The following BACH2 variants were observed in gnomAD, a reference collection of about 807,000 sequenced individuals.
The protein encoded by BACH2 is transcription regulator protein BACH2.
In BACH2, 5 loss-of-function variants were observed where a neutral mutation model predicts 61.8. The observed-to-expected ratio is 0.08, with a 90% CI of 0.04 to 0.17. The LOEUF (loss-of-function observed/expected upper bound fraction) is 0.17, where lower values mean the gene tolerates loss of function less well. BACH2 is among the 10% of genes least tolerant of loss of function. The pLI is 1.00. For missense variants in BACH2, 824 were observed against 1,091.1 expected, an observed-to-expected ratio of 0.76 and a Z score of 3.45; for synonymous variants, 446 against 440.1, an observed-to-expected ratio of 1.01 and a Z score of -0.17.
intron 4 of BACH2, among the ~76,000 whole-genome samples, chr6:90,149,943 G>T (rs1179539660): frequency 1.3e-5 from 2 of 152,214 alleles, no homozygotes; most frequent in East Asian, 3.8e-4. Context: ...AGACAGTCCA[G>T]ATGCCATTAA....
intron 4 of BACH2, among the ~76,000 whole-genome samples, chr6:90,142,968 G>T (rs1195395777): frequency 6.6e-6 from 1 of 152,160 alleles, no homozygotes; most frequent in East Asian, 1.9e-4. Flanking sequence ...TTCCCTATTG[G>T]CATGAAATTT....
intron 4 of BACH2, among the ~76,000 whole-genome samples, chr6:90,129,369 T>C (rs1429756030): frequency 2.0e-5 from 3 of 152,160 alleles, no homozygotes; most frequent in Non-Finnish European, 2.9e-5. Flanking sequence ...ATGTGCAGAA[T>C]GTGCAGGTTT....
intron 1 of BACH2, among the ~76,000 whole-genome samples, chr6:90,295,478 G>T (rs554678639): frequency 6.6e-6 from 1 of 152,216 alleles, no homozygotes; most frequent in Non-Finnish European, 1.5e-5. Context: ...ACCTAGGGTA[G>T]CCCGTGAGCG....
At chr6:89,946,497 G>A (rs1257752577) in intron 7 of BACH2, among the ~76,000 whole-genome samples, 1 of 152,334 alleles carries the variant, frequency 6.6e-6, no homozygotes, top group East Asian at 1.9e-4. Flanking sequence ...TAACAGTAGG[G>A]TCACAAAATG....
At chr6:90,211,909 T>C (rs928414180) in intron 3 of BACH2, among the ~76,000 whole-genome samples, 1 of 152,186 alleles carries the variant, frequency 6.6e-6, no homozygotes, top group African/African-American at 2.4e-5. Context: ...CTCTTGTTCC[T>C]ACCCTTCCCA....
rs1212764266 is a variant in BACH2 at position 90,139,234 on chromosome 6, C to T, written c.-161-50125G>A. Among the ~76,000 whole-genome samples, 4 of 152,194 alleles carry T rather than the reference C, an allele frequency of 2.6e-5. No homozygotes were observed. The East Asian group carries it at 7.7e-4, about 29-fold the overall frequency. On this transcript the variant is annotated intron_variant, in intron 4 of 8. Coordinates refer to ENST00000257749, the MANE Select transcript of BACH2 (RefSeq NM_021813.4). ...TTTATCCTTTCTCCACCCTTTTCTTCTTTCTCTACGTCTTCTAGTCATCCT... is the reference window on the plus strand; with the variant it reads ...TTTATCCTTTCTCCACCCTTTTCTTTTTTCTCTACGTCTTCTAGTCATCCT...
At chr6:90,103,727 T>A (rs1051024083) in intron 4 of BACH2, among the ~76,000 whole-genome samples, 1 of 152,208 alleles carries the variant, frequency 6.6e-6, no homozygotes, top group Non-Finnish European at 1.5e-5. Flanking sequence ...TGGGGGATCA[T>A]GGGGAACATC....
intron 4 of BACH2, among the ~76,000 whole-genome samples, chr6:90,119,947 A>G (rs932573294): frequency 3.3e-5 from 5 of 152,196 alleles, no homozygotes; most frequent in Non-Finnish European, 5.9e-5. Flanking sequence ...ACCATTAAGG[A>G]CCCAGGAAAG....
intron 5 of BACH2, among the ~76,000 whole-genome samples, chr6:90,085,771 A>G (rs80015989): frequency 0.013 from 1,989 of 152,272 alleles, 42 homozygotes; most frequent in African/African-American, 0.045. Context: ...ATCAAGCACT[A>G]GCTAGTGATT....
chr6:90,154,776 G>A (rs995291643), intron 4 of BACH2, among the ~76,000 whole-genome samples: 10 of 152,158 alleles, frequency 6.6e-5, no homozygotes, highest in South Asian at 2.1e-4. Flanking sequence ...ATAGCACTGC[G>A]TTAGTCAGTA....
chr6:90,261,308 T>G (rs1194656210), intron 2 of BACH2, among the ~76,000 whole-genome samples: 1 of 152,156 alleles, frequency 6.6e-6, no homozygotes, highest in Non-Finnish European at 1.5e-5. Context: ...TCCTTCTTCT[T>G]CCTGTCTAAT....
chr6:90,146,556 C>T (rs1293436301), intron 4 of BACH2, among the ~76,000 whole-genome samples: 1 of 152,210 alleles, frequency 6.6e-6, no homozygotes, highest in Non-Finnish European at 1.5e-5. Flanking sequence ...TGATGGTCAA[C>T]TCTTCCAAGA....
At chr6:90,037,926 C>T (rs760963808) in intron 5 of BACH2, among the ~76,000 whole-genome samples, 8 of 152,116 alleles carry the variant, frequency 5.3e-5, no homozygotes, top group Non-Finnish European at 8.8e-5. Context: ...AGTGATGTGG[C>T]TACAAGCCAA....
intron 5 of BACH2, among the ~76,000 whole-genome samples, chr6:90,031,152 C>G (rs1441025542): frequency 6.6e-6 from 1 of 151,918 alleles, no homozygotes; most frequent in Non-Finnish European, 1.5e-5. Context: ...CAAAATTCAA[C>G]AACCTTCATG....
intron 3 of BACH2, among the ~76,000 whole-genome samples, chr6:90,212,389 G>T (rs1471907057): frequency 2.0e-5 from 3 of 152,086 alleles, no homozygotes; most frequent in African/African-American, 7.2e-5. Flanking sequence ...GAACAGAGTG[G>T]AGCTTGCCAA....
At chr6:90,096,666 G>T (rs1251954556) in intron 4 of BACH2, among the ~76,000 whole-genome samples, 3 of 152,158 alleles carry the variant, frequency 2.0e-5, no homozygotes, top group Admixed American at 6.5e-5. Flanking sequence ...TTGCCCTGGG[G>T]ATCTGCCTTT....
At chr6:89,985,593 T>A (rs561797595) in intron 6 of BACH2, among the ~76,000 whole-genome samples, 13 of 152,240 alleles carry the variant, frequency 8.5e-5, no homozygotes, top group African/African-American at 2.9e-4. Flanking sequence ...ACTGGTTAGC[T>A]CCAGAGGGCC....
In BACH2 at chr6:89,983,743, T is replaced by A. The variant is rs186868228; in HGVS notation, c.243+24859A>T. 3.4e-3 allele frequency among the ~76,000 whole-genome samples: 525 copies of A among 152,346 alleles called. 1 individual carries two copies. Among genetic ancestry groups the A allele is most frequent in the African/African-American group, 0.012 (514 of 41,580 alleles). ...GGCTACTGGCTACCATATTGGCCAG[T>A]GCAGAAGAACATTTCCATCATCACA... On this transcript the variant is annotated intron_variant, in intron 6 of 8. Transcript: ENST00000257749.
chr6:90,070,685 C>A (rs1781185476), intron 5 of BACH2, among the ~76,000 whole-genome samples: 1 of 152,198 alleles, frequency 6.6e-6, no homozygotes, highest in African/African-American at 2.4e-5. Context: ...TTCACTGTTA[C>A]TAAATGAAGC....
Sources: allele counts gnomAD v4.1 joint callset (sites outside exome capture counted in the v4.1 genomes callset), GRCh38; gene constraint gnomAD v4.1.1; transcripts MANE v1.5; gene names NCBI Gene and HGNC (gene_info 2026-07-23, HGNC 2026-07-21).